The following MCM8 variants were observed in gnomAD, a reference collection of about 807,000 sequenced individuals.
The protein encoded by MCM8 is minichromosome maintenance 8 homologous recombination repair factor, also known as DNA helicase MCM8.
In MCM8, 85 loss-of-function variants were observed where a neutral mutation model predicts 98.9. The ratio of observed to expected loss-of-function variants is 0.86; its 90% confidence interval spans 0.72 to 1.03. MCM8 has a LOEUF of 1.03. Ranked by LOEUF, MCM8 falls within the 50% of genes least tolerant of loss-of-function variation. MCM8 has a pLI of 0.00. For missense variants in MCM8, 951 were observed against 997.8 expected (o/e 0.95, Z 0.63); for synonymous variants, 352 against 338.6 (o/e 1.04, Z -0.44).
At chr20:5,973,794 A>C (rs1432872810) in intron 12 of MCM8, among the ~76,000 whole-genome samples, 1 of 152,056 alleles carries the variant, frequency 6.6e-6, no homozygotes, top group African/African-American at 2.4e-5. Context: ...AGCTGGGATT[A>C]TAGGTGCGCA....
intron 12 of MCM8, among the ~76,000 whole-genome samples, 185 bp from the exon 13 acceptor site, chr20:5,977,691 G>T (rs1009130344): frequency 6.6e-6 from 1 of 152,092 alleles, no homozygotes; most frequent in African/African-American, 2.4e-5. Flanking sequence ...ACTCTTTGTT[G>T]GCCTTGGTTT....
chr20:5,953,777 A>AT (rs2088897439), intron 3 of MCM8, among the ~76,000 whole-genome samples: 10 of 130,416 alleles, frequency 7.7e-5, no homozygotes, highest in Admixed American at 5.7e-4. Flanking sequence ...CCAGCCGCAT[A>AT]CTTTTTTTTT....
intron 13 of MCM8, among the ~76,000 whole-genome samples, chr20:5,981,700 A>G (rs1413963776): frequency 6.6e-6 from 1 of 152,226 alleles, no homozygotes; most frequent in Non-Finnish European, 1.5e-5. Context: ...CTGTGAAGAA[A>G]TAACGTAGGA....
chr20:5,969,376 G>A (rs567672007), intron 10 of MCM8, among the ~76,000 whole-genome samples: 1 of 152,286 alleles, frequency 6.6e-6, no homozygotes, highest in South Asian at 2.1e-4. Flanking sequence ...TGGATCACCT[G>A]AGGTCAGGAG....
At chr20:5,975,808 T>A (rs946800157) in intron 12 of MCM8, among the ~76,000 whole-genome samples, 53 of 151,954 alleles carry the variant, frequency 3.5e-4, no homozygotes, top group African/African-American at 1.2e-3. Flanking sequence ...TTTTTTTTTT[T>A]AATAAATGTT....
Position 5,994,448 on chromosome 20 carries a change from T to C in MCM8, c.*57T>C. ...TTATTGCAGATTAAAGCCATCTCAG[T>C]GAAGATATGCGTGCACGCACAGACA... On this transcript the variant is annotated 3_prime_UTR_variant, in exon 19 of 19. Transcript: ENST00000610722. 9.9e-7 allele frequency: 1 copy of C among 1,013,580 alleles called. No individual in the cohort carries two copies. The highest frequency in any genetic ancestry group is 1.5e-6 in the Non-Finnish European group (1 of 663,570). The allele number at this position is 1,013,580 out of a possible 1,614,324, so 62.8% of individuals were successfully genotyped here. A position where few individuals can be genotyped will look rare whatever the true frequency, so the allele number is the denominator to read the frequency against.
At chr20:5,973,423 A>ACATCAACTATT (rs1330582670) in intron 12 of MCM8, among the ~76,000 whole-genome samples, 49 of 152,346 alleles carry the variant, frequency 3.2e-4, no homozygotes, top group Admixed American at 1.7e-3. Context: ...GTCTGTTGAG[A>ACATCAACTATT]CATCAACTAT....
At position 5,989,491 on chromosome 20, in the gene MCM8, A is replaced by G. The variant is rs141368066; in HGVS notation, c.2240+2133A>G. ...TTCTCTGAGTTATACCATAAACCAAAGGCCTCAAAAACTGGCAGATCTCAC... is the reference window on the plus strand; with the variant it reads ...TTCTCTGAGTTATACCATAAACCAAGGGCCTCAAAAACTGGCAGATCTCAC... On this transcript the variant is annotated intron_variant, in intron 17 of 18. Coordinates refer to ENST00000610722, the MANE Select transcript of MCM8 (RefSeq NM_032485.6). Among the ~76,000 whole-genome samples the G allele has an allele frequency of 1.4e-3, 217 of 152,254 alleles. No homozygotes were observed. The East Asian group carries it at 0.017, about 12-fold the overall frequency.
chr20:5,952,632 T>A, intron 3 of MCM8, 104 bp downstream of exon 3: 1 of 906,144 alleles, frequency 1.1e-6, no homozygotes, highest in Non-Finnish European at 1.7e-6. Flanking sequence ...AACATATACC[T>A]GCTTTAATCT....
chr20:5,983,541 A>G (rs916359678), intron 14 of MCM8, among the ~76,000 whole-genome samples: 4 of 152,120 alleles, frequency 2.6e-5, no homozygotes, highest in African/African-American at 9.7e-5. Context: ...CTTTAGTAAA[A>G]ATACAAAAAT....
intron 12 of MCM8, 91 bp from the exon 13 acceptor site, chr20:5,977,785 C>A: frequency 1.5e-6 from 2 of 1,361,376 alleles, no homozygotes; most frequent in Non-Finnish European, 2.0e-6. Flanking sequence ...AAAAGAATAC[C>A]TAGCATATAC....
chr20:5,987,327 G>A lies in MCM8; in HGVS notation c.2209G>A (p.Ala737Thr), dbSNP rs146056799. Residue 737 changes from alanine (A) to threonine (T), a missense_variant, in exon 17 of 19, where the codon GCT becomes ACT. By Grantham distance (58) the Ala-to-Thr change is moderately conservative. Transcript: ENST00000610722. ...GAGAGAGGAAGCAACCAAAGAAGACGCTGAGGATATAGTGGAAATTATGAA... is the reference window on the plus strand; with the variant it reads ...GAGAGAGGAAGCAACCAAAGAAGACACTGAGGATATAGTGGAAATTATGAA... ...ELREEATKED[A>T]EDIVEIMKYS... is the part of the protein sequence containing the mutation. 2,365 of 1,612,926 alleles carry A rather than the reference G, an allele frequency of 1.5e-3. 1 individual carries two copies. The highest frequency in any genetic ancestry group is 1.9e-3 in the Non-Finnish European group (2,251 of 1,179,582).
At chr20:5,963,210 AT>A (rs2089191675) in intron 7 of MCM8, 63 bp from the exon 8 acceptor site, 10 of 1,249,082 alleles carry the variant, frequency 8.0e-6, no homozygotes, top group Non-Finnish European at 1.2e-5. Flanking sequence ...TTTTAACTGA[AT>A]TTTCCTGAGG....
chr20:5,952,098 C>T lies in MCM8; in HGVS notation c.83C>T (p.Ser28Leu). 6.2e-7 allele frequency: 1 copy of T among 1,614,024 alleles called. No individual in the cohort carries two copies. Among genetic ancestry groups the T allele is most frequent in the Non-Finnish European group, 8.5e-7 (1 of 1,179,986 alleles). ...AGGGGAAGAGGTGGTGGGAACTTCTCAGGAAAATGGAGAGAAAGAGAACAC... is the reference window on the plus strand; with the variant it reads ...AGGGGAAGAGGTGGTGGGAACTTCTTAGGAAAATGGAGAGAAAGAGAACAC... ...WKRGRGGGNF[S>L]GKWREREHRP... The change falls in exon 2 of 19, where the codon TCA becomes TTA. Residue 28 changes from serine (S) to leucine (L), a missense_variant. Coordinates refer to ENST00000610722, the MANE Select transcript of MCM8 (RefSeq NM_032485.6).
At chr20:5,982,626 C>A (rs1171780533) in intron 13 of MCM8, among the ~76,000 whole-genome samples, 2 of 152,108 alleles carry the variant, frequency 1.3e-5, no homozygotes, top group Non-Finnish European at 2.9e-5. Flanking sequence ...TTAAATTGTG[C>A]ATGTGTGTTT....
intron 18 of MCM8, chr20:5,993,976 A>G (rs1357651987): frequency 2.8e-6 from 1 of 352,938 alleles, no homozygotes; most frequent in Admixed American, 4.4e-5. Context: ...TCTCGTGAAA[A>G]TCAATGTAAT....
intron 17 of MCM8, among the ~76,000 whole-genome samples, chr20:5,992,031 A>G (rs971699305): frequency 2.6e-5 from 4 of 152,196 alleles, no homozygotes; most frequent in African/African-American, 9.6e-5. Context: ...AAAAAACTAA[A>G]TGCTTATATT....
At chr20:5,959,003 A>G (rs236120) in intron 7 of MCM8, among the ~76,000 whole-genome samples, 1 of 152,080 alleles carries the variant, frequency 6.6e-6, no homozygotes, top group Admixed American at 6.5e-5. Flanking sequence ...TTTTTTACCT[A>G]TACCATTCCC....
At chr20:5,965,815 T>C (rs1030087814) in intron 8 of MCM8, among the ~76,000 whole-genome samples, 6 of 152,112 alleles carry the variant, frequency 3.9e-5, no homozygotes, top group African/African-American at 1.4e-4. Context: ...AATTTTCCAT[T>C]CTCTCTTCAA....
Sources: allele counts gnomAD v4.1 joint callset (sites outside exome capture counted in the v4.1 genomes callset), GRCh38; gene constraint gnomAD v4.1.1; transcripts MANE v1.5; gene names NCBI Gene and HGNC (gene_info 2026-07-23, HGNC 2026-07-21).